RADIL: variants seen among roughly 807,000 people sequenced by gnomAD.
RADIL encodes the protein ras-associating and dilute domain-containing protein.
Under a neutral mutation model 97.6 loss-of-function variants are expected in RADIL, and 99 were observed. That is an observed-to-expected ratio of 1.01 (90% CI 0.86 to 1.20). The LOEUF is 1.20. Ranked by LOEUF, RADIL falls within the 50% of genes most tolerant of loss-of-function variation. The probability of loss-of-function intolerance (pLI) is 0.00; values close to 1 mark genes in which losing one functional copy is unlikely to be tolerated. For missense variants in RADIL, 1,765 were observed against 1,498.9 expected (o/e 1.18, Z -2.93); for synonymous variants, 803 against 691.8 (o/e 1.16, Z -2.52).
Position 4,836,357 on chromosome 7 carries a change from C to T in RADIL, c.783+1G>A, listed in dbSNP as rs1194089011. ...AGTGGGTGTCAGGAGGGGAGGCTCA[C>T]GTGCTGCTGGCTGTAGCCCTGCAGA... On this transcript the variant is annotated splice_donor_variant, in intron 3 of 14. Coordinates refer to ENST00000399583, the MANE Select transcript of RADIL (RefSeq NM_018059.5). LOFTEE classifies it high-confidence loss of function. 7 of 1,570,172 alleles carry T rather than the reference C, an allele frequency of 4.5e-6. No individual in the cohort carries two copies. Among genetic ancestry groups the T allele is most frequent in the East Asian group, 2.3e-5 (1 of 42,570 alleles).
At chr7:4,860,544 G>C (rs1783960146) in intron 2 of RADIL, 1 of 1,614,156 alleles carries the variant, frequency 6.2e-7, no homozygotes, top group African/African-American at 1.3e-5. Context: ...TTGGGTGCTG[G>C]AAATGACTGT....
intron 5 of RADIL, among the ~76,000 whole-genome samples, chr7:4,830,532 G>C (rs973339583): frequency 1.3e-5 from 2 of 152,112 alleles, no homozygotes; most frequent in Non-Finnish European, 2.9e-5. Context: ...ACACAGAATC[G>C]GGAGAGCAAG....
At position 4,815,394 on chromosome 7, in the gene RADIL, G is replaced by A; in HGVS notation, c.2023C>T (p.Gln675Ter). 1 of 1,561,456 alleles carries A rather than the reference G, an allele frequency of 6.4e-7. No homozygotes were observed. Among genetic ancestry groups the A allele is most frequent in the Non-Finnish European group, 8.7e-7 (1 of 1,152,644 alleles). ...CTCCGCATCCACTCCAGGAGCTGCT[G>A]CAGGCGGGCGCAGGCCTGGACACCT... ...PRGVQACARL[Q>*]QLLEWMRSAG... The change falls in exon 9 of 15, where the codon CAG becomes TAG. Residue 675 changes from glutamine (Q) to a stop codon, truncating the protein, a stop_gained. Transcript: ENST00000399583. LOFTEE classifies it high-confidence loss of function. The surrounding 1 kb of genome is among the most constrained non-coding windows in gnomAD (Gnocchi z 8.0).
rs767951252 is a variant in RADIL, at chr7:4,883,433, T to C, written c.-65+163A>G. Among the ~76,000 whole-genome samples, 52 of 151,848 alleles carry C rather than the reference T, an allele frequency of 3.4e-4. No homozygotes were observed. The highest frequency in any genetic ancestry group is 1.2e-3 in the African/African-American group (51 of 41,350). On this transcript the variant is annotated intron_variant, in intron 1 of 14. Coordinates refer to ENST00000399583, the MANE Select transcript of RADIL (RefSeq NM_018059.5). This position sits in a 1 kb window ranked among gnomAD's most constrained non-coding sequence, Gnocchi z 7.1. ...GGGCCCGACAGCCAGTCGGTTCCCATGGCAACTGGGCAAACCTGCCCTCCG... is the reference window on the plus strand; with the variant it reads ...GGGCCCGACAGCCAGTCGGTTCCCACGGCAACTGGGCAAACCTGCCCTCCG...
Position 4,842,076 on chromosome 7 carries a change from C to T in RADIL, c.536-5471G>A, listed in dbSNP as rs1310042477. On this transcript the variant is annotated intron_variant, in intron 2 of 14. Coordinates refer to ENST00000399583, the MANE Select transcript of RADIL (RefSeq NM_018059.5). The surrounding 1 kb of genome is among the most constrained non-coding windows in gnomAD (Gnocchi z 4.5). Reference sequence around the variant, plus strand: ...TCTCCAAAAAAAAAAAAAGATGCAACAAGGCCAGAGGCTGGAATAGCAGCG... The same window carrying T: ...TCTCCAAAAAAAAAAAAAGATGCAATAAGGCCAGAGGCTGGAATAGCAGCG... Among the ~76,000 whole-genome samples, 2 of 151,032 alleles carry T rather than the reference C, an allele frequency of 1.3e-5. No homozygotes were observed. Among genetic ancestry groups the T allele is most frequent in the Admixed American group, 6.6e-5 (1 of 15,164 alleles).
chr7:4,805,539 C>T (rs765748277), intron 10 of RADIL, 27 bp downstream of exon 10: 5 of 1,553,868 alleles, frequency 3.2e-6, no homozygotes, highest in Non-Finnish European at 4.4e-6. Flanking sequence ...AGTCCCCAGC[C>T]CTCTCCTGCC....
chr7:4,843,607 T>C (rs1783498797), intron 2 of RADIL, among the ~76,000 whole-genome samples: 1 of 152,130 alleles, frequency 6.6e-6, no homozygotes, highest in Admixed American at 6.6e-5. Flanking sequence ...TCCATTTTAT[T>C]CTCATTATAG....
chr7:4,841,305 G>C (rs1783433711), intron 2 of RADIL, among the ~76,000 whole-genome samples: 1 of 152,204 alleles, frequency 6.6e-6, no homozygotes, highest in Non-Finnish European at 1.5e-5. Flanking sequence ...GTGCTGCGTA[G>C]GTTTAAGGGA....
intron 5 of RADIL, among the ~76,000 whole-genome samples, chr7:4,825,192 G>C (rs1365690563): frequency 6.6e-6 from 1 of 152,204 alleles, no homozygotes; most frequent in African/African-American, 2.4e-5. Context: ...GGCAGTTCTA[G>C]AAGAGGGCAG....
Position 4,799,611 on chromosome 7 carries a change from G to C in RADIL, c.3122+19C>G, listed in dbSNP as rs371707271. On this transcript the variant is annotated intron_variant, in intron 14 of 14. Transcript: ENST00000399583. ...GGGCATCTGGGAGAAGGGGCCGGGC[G>C]TGCATGCGGTGGGGGTACCTCAGGT... The C allele has an allele frequency of 1.2e-6, 2 of 1,605,004 alleles. No homozygotes were observed. The highest frequency in any genetic ancestry group is 2.2e-5 in the East Asian group (1 of 44,676).
In RADIL at chr7:4,815,973, G is replaced by T. The variant is rs1267019772; in HGVS notation, c.1966+255C>A. Among the ~76,000 whole-genome samples, 2 of 152,194 alleles carry T rather than the reference G, an allele frequency of 1.3e-5. No homozygotes were observed. Among genetic ancestry groups the T allele is most frequent in the Non-Finnish European group, 2.9e-5 (2 of 68,028 alleles). On this transcript the variant is annotated intron_variant, in intron 8 of 14. Transcript: ENST00000399583. The surrounding 1 kb of genome is among the most constrained non-coding windows in gnomAD (Gnocchi z 8.0). ...CTGAGCCCGTTCCCTCCCTGTCACG[G>T]GGAAGGGGTCCCATGCAGACCTCTC...
In RADIL at chr7:4,880,625, C is replaced by A. The variant is rs1261095301; in HGVS notation, c.-64-2422G>T. Among the ~76,000 whole-genome samples the A allele has an allele frequency of 2.0e-5, 3 of 152,224 alleles. No individual in the cohort carries two copies. The highest frequency in any genetic ancestry group is 4.4e-5 in the Non-Finnish European group (3 of 68,048). ...GCACACACTGGCAGAGGGTCGGCCA[C>A]CACCTTTTCATAGTGCTCATTTCCA... is the stretch of plus-strand genomic sequence containing the variant. On this transcript the variant is annotated intron_variant, in intron 1 of 14. Coordinates refer to ENST00000399583, the MANE Select transcript of RADIL (RefSeq NM_018059.5). This position sits in a 1 kb window ranked among gnomAD's most constrained non-coding sequence, Gnocchi z 4.5.
chr7:4,855,254 C>T (rs1783798491), intron 2 of RADIL, among the ~76,000 whole-genome samples: 1 of 152,122 alleles, frequency 6.6e-6, no homozygotes, highest in Non-Finnish European at 1.5e-5. Context: ...TCAAATGCTT[C>T]CTGACTTTTC....
In RADIL at chr7:4,810,968, T is replaced by G. The variant is rs182587375; in HGVS notation, c.2139+4310A>C. On this transcript the variant is annotated intron_variant, in intron 9 of 14. Transcript: ENST00000399583. ...CCTGGTCAACATGGTGAGACTCCAT[T>G]TCTACTAAAAATACAAAAATTAGCT... is the stretch of plus-strand genomic sequence containing the variant. Among the ~76,000 whole-genome samples, 335 of 152,162 alleles carry G rather than the reference T, an allele frequency of 2.2e-3. 2 individuals are homozygous for G. Among genetic ancestry groups the G allele is most frequent in the African/African-American group, 7.5e-3 (312 of 41,520 alleles).
intron 2 of RADIL, chr7:4,861,556 A>G (rs1783997435): frequency 6.2e-7 from 1 of 1,613,984 alleles, no homozygotes; most frequent in South Asian, 1.1e-5. Context: ...ACTGGGGAAG[A>G]CTCTTGCTTT....
rs1240612399 is a variant in RADIL at position 4,878,805 on chromosome 7, G to A, written c.-64-602C>T. Among the ~76,000 whole-genome samples the A allele has an allele frequency of 2.0e-5, 3 of 152,206 alleles. No homozygotes were observed. Among genetic ancestry groups the A allele is most frequent in the Admixed American group, 1.3e-4 (2 of 15,276 alleles). ...GTGAGCATCAAGGAGCGCCCCACCC[G>A]GAGCCGGCCCCAGCACCATCACAGC... On this transcript the variant is annotated intron_variant, in intron 1 of 14. Coordinates refer to ENST00000399583, the MANE Select transcript of RADIL (RefSeq NM_018059.5). The surrounding 1 kb of genome is among the most constrained non-coding windows in gnomAD (Gnocchi z 4.1).
chr7:4,837,851 T>C lies in RADIL; in HGVS notation c.536-1246A>G. The C allele has an allele frequency of 1.0e-6, 1 of 985,434 alleles. No individual in the cohort carries two copies. The highest frequency in any genetic ancestry group is 4.7e-5 in the South Asian group (1 of 21,288). 61.0% of individuals were successfully genotyped at this position (985,434 alleles called of 1,614,324 possible). A position where few individuals can be genotyped will look rare whatever the true frequency, so the allele number is the denominator to read the frequency against. On this transcript the variant is annotated intron_variant, in intron 2 of 14. Transcript: ENST00000399583. The surrounding 1 kb of genome is among the most constrained non-coding windows in gnomAD (Gnocchi z 5.6). ...CACCAGTCCCCAGCTGACCCGGCGCTGTCTTTTCTGAGCCCTCTGCTGAGT... is the reference window on the plus strand; with the variant it reads ...CACCAGTCCCCAGCTGACCCGGCGCCGTCTTTTCTGAGCCCTCTGCTGAGT...
In RADIL at chr7:4,835,254, C is replaced by G. The variant is rs1783263076; in HGVS notation, c.784-15G>C. The G allele has an allele frequency of 8.1e-6, 13 of 1,605,394 alleles. No individual in the cohort carries two copies. The highest frequency in any genetic ancestry group is 1.1e-5 in the Non-Finnish European group (13 of 1,179,474). On this transcript the variant is annotated splice_polypyrimidine_tract_variant and intron_variant, in intron 3 of 14. Transcript: ENST00000399583. This position sits in a 1 kb window ranked among gnomAD's most constrained non-coding sequence, Gnocchi z 5.8. ...ACCAGGCTGTCCTGAAACAGAGACT[C>G]CGCTCAGGGCAGGCGTAACGCGAGC... is the stretch of plus-strand genomic sequence containing the variant.
chr7:4,803,776 C>T (rs1183438238), intron 10 of RADIL, 22 bp from the exon 11 acceptor site: 9 of 1,540,722 alleles, frequency 5.8e-6, no homozygotes, highest in African/African-American at 1.4e-5. Context: ...AGAGGATGCC[C>T]GTAATGGCCA....
Sources: gnomAD v4.1 joint callset for allele counts (sites outside exome capture counted in the v4.1 genomes callset) on GRCh38, gnomAD v4.1.1 for gene constraint, Gnocchi (gnomAD v3.1) non-coding constraint, MANE v1.5 for transcripts, NCBI Gene and HGNC (gene_info 2026-07-23, HGNC 2026-07-21) for gene names.